The following CENPB variants were observed in gnomAD, a reference collection of about 807,000 sequenced individuals.
The protein encoded by CENPB is major centromere autoantigen B.
Under a neutral mutation model 41.9 loss-of-function variants are expected in CENPB, and 19 were observed. The observed-to-expected ratio is 0.45, with a 90% CI of 0.32 to 0.67. The LOEUF (loss-of-function observed/expected upper bound fraction) is 0.67. Ranked by LOEUF, CENPB falls within the 30% of genes least tolerant of loss-of-function variation. CENPB has a pLI of 0.04. For missense variants in CENPB, 614 were observed against 816.2 expected (o/e 0.75, Z 3.02); for synonymous variants, 399 against 354.4 (o/e 1.13, Z -1.41).
Position 3,784,233 on chromosome 20 carries a change from C to G in CENPB, c.*451G>C. The G allele has an allele frequency of 5.7e-6, 1 of 175,672 alleles. No homozygotes were observed. Among genetic ancestry groups the G allele is most frequent in the South Asian group, 1.1e-4 (1 of 8,730 alleles). 10.9% of individuals were successfully genotyped at this position (175,672 alleles called of 1,614,324 possible). A position where few individuals can be genotyped will look rare whatever the true frequency, so the allele number is the denominator to read the frequency against. On this transcript the variant is annotated 3_prime_UTR_variant, in exon 1 of 1. Coordinates refer to ENST00000379751, the MANE Select transcript of CENPB (RefSeq NM_001810.6). The surrounding 1 kb of genome is among the most constrained non-coding windows in gnomAD (Gnocchi z 5.2). ...GTGGGGGTGGGGGCTGCCAGCCTTG[C>G]AGGGGGCCTAGGCTGGACCTTCTTC...
rs1279332772 is a variant in CENPB, at chr20:3,786,602, C to G, written c.-119G>C. The G allele has an allele frequency of 5.0e-6, 1 of 201,712 alleles. No homozygotes were observed. The highest frequency in any genetic ancestry group is 8.5e-6 in the Non-Finnish European group (1 of 117,996). The allele number at this position is 201,712 out of a possible 1,614,324, so 12.5% of individuals were successfully genotyped here. ...CCCGCGCGCCCCGCCCGAGACAAAG[C>G]GGCTCGCGGGCGCGGCGGCGGGGCG... On this transcript the variant is annotated 5_prime_UTR_variant, in exon 1 of 1. Transcript: ENST00000379751.
Position 3,786,284 on chromosome 20 carries a change from T to C in CENPB, c.200A>G (p.Lys67Arg). 2.5e-6 allele frequency: 4 copies of C among 1,608,214 alleles called. No individual in the cohort carries two copies. The highest frequency in any genetic ancestry group is 3.4e-6 in the Non-Finnish European group (4 of 1,179,536). The change falls in exon 1 of 1, where the codon AAG becomes AGG. Residue 67 changes from lysine to arginine, a missense_variant. This residue lies in a region of CENPB where 77 missense variants were observed against 186.8 expected (regional missense o/e 0.41). Coordinates refer to ENST00000379751, the MANE Select transcript of CENPB (RefSeq NM_001810.6). ...GTCGTAGGGAGACAGCTTGTTGGTC[T>C]TGCGGCAGGTGGAGGCCACCCCGTA... ...RKYGVASTCR[K>R]TNKLSPYDKL...
rs760360102 is a variant in CENPB, at chr20:3,786,040, G to C, written c.444C>G (p.Pro148=). ...GACTGGCAGGCGCCGCCGGGGTGCG[G>C]GGGGCAGCGTTTCGCGCGCGGGCGC... ...VARARARNAA[P]RTPAAPASPA... The change falls in exon 1 of 1, where the codon CCC becomes CCG. Residue 148 remains proline (P), a synonymous_variant. Transcript: ENST00000379751. 3 of 1,470,628 alleles carry C rather than the reference G, an allele frequency of 2.0e-6. No individual in the cohort carries two copies. In the South Asian group the frequency reaches 4.1e-5, roughly 20 times the overall value. The allele number at this position is 1,470,628 out of a possible 1,614,324, so 91.1% of individuals were successfully genotyped here.
rs1227910996 is a variant in CENPB at position 3,784,611 on chromosome 20, G to C, written c.*73C>G. Reference sequence around the variant, plus strand: ...TCTGCACTCTGGCTCCATGCACAGCGGGTGCCCAGAGAGTCCTCTGCCCTG... The same window carrying C: ...TCTGCACTCTGGCTCCATGCACAGCCGGTGCCCAGAGAGTCCTCTGCCCTG... On this transcript the variant is annotated 3_prime_UTR_variant, in exon 1 of 1. Coordinates refer to ENST00000379751, the MANE Select transcript of CENPB (RefSeq NM_001810.6). The surrounding 1 kb of genome is among the most constrained non-coding windows in gnomAD (Gnocchi z 5.2). The C allele has an allele frequency of 1.3e-6, 2 of 1,529,120 alleles. No homozygotes were observed. Among genetic ancestry groups the C allele is most frequent in the African/African-American group, 1.4e-5 (1 of 73,320 alleles). 94.7% of individuals were successfully genotyped at this position (1,529,120 alleles called of 1,614,324 possible).
chr20:3,785,018 G>A lies in CENPB; in HGVS notation c.1466C>T (p.Ala489Val), dbSNP rs1187517907. 1.9e-6 allele frequency: 3 copies of A among 1,613,854 alleles called. No individual in the cohort carries two copies. Among genetic ancestry groups the A allele is most frequent in the Non-Finnish European group, 2.5e-6 (3 of 1,179,968 alleles). ...CTGGGCTTCCTCCTGGGCACCATAA[G>A]CCCCGAAGCTGCCACCGGCCTCCAC... Reference protein sequence around the residue: ...GVVEAGGSFGAYGAQEEAQCP... With the variant: ...GVVEAGGSFGVYGAQEEAQCP... Residue 489 changes from alanine to valine, a missense_variant, in exon 1 of 1, where the codon GCT becomes GTT. This residue lies in a region of CENPB where 537 missense variants were observed against 629.4 expected (regional missense o/e 0.85). Coordinates refer to ENST00000379751, the MANE Select transcript of CENPB (RefSeq NM_001810.6).
At position 3,786,268 on chromosome 20, in the gene CENPB, A is replaced by C; in HGVS notation, c.216T>G (p.Ser72=). Residue 72 remains serine (S), a synonymous_variant, in exon 1 of 1, where the codon TCT becomes TCG. Transcript: ENST00000379751. ...GCAAGCCCTCGAGCTTGTCGTAGGGAGACAGCTTGTTGGTCTTGCGGCAGG... is the reference window on the plus strand; with the variant it reads ...GCAAGCCCTCGAGCTTGTCGTAGGGCGACAGCTTGTTGGTCTTGCGGCAGG... The part of the protein sequence containing the change: ...ASTCRKTNKL[S]PYDKLEGLLI... 6.2e-7 allele frequency: 1 copy of C among 1,607,280 alleles called. No individual in the cohort carries two copies. The highest frequency in any genetic ancestry group is 8.5e-7 in the Non-Finnish European group (1 of 1,179,406).
chr20:3,785,861 GC>G lies in CENPB; in HGVS notation c.622del (p.Ala208ProfsTer18). On this transcript the variant is annotated frameshift_variant, in exon 1 of 1. Transcript: ENST00000379751. LOFTEE classifies it high-confidence loss of function. ...TCCGTCGCCTCCGCACAGCCCCGCG[GC>G]CTGGTCGGGCAGGAAGTCGTACCAT... ...SLWYDFLPDQAAGLCGGDGRP... is the reference protein window; with the variant it reads ...SLWYDFLPDQXAGLCGGDGRP... The G allele has an allele frequency of 6.2e-7, 1 of 1,608,652 alleles. No individual in the cohort carries two copies.
chr20:3,784,295 C>T lies in CENPB; in HGVS notation c.*389G>A, dbSNP rs1233395702. 9.7e-6 allele frequency: 2 copies of T among 206,370 alleles called. No homozygotes were observed. The highest frequency in any genetic ancestry group is 4.7e-5 in the African/African-American group (2 of 42,348). The allele number at this position is 206,370 out of a possible 1,614,324, so 12.8% of individuals were successfully genotyped here. On this transcript the variant is annotated 3_prime_UTR_variant, in exon 1 of 1. Coordinates refer to ENST00000379751, the MANE Select transcript of CENPB (RefSeq NM_001810.6). The surrounding 1 kb of genome is among the most constrained non-coding windows in gnomAD (Gnocchi z 5.2). ...CCAGAATGGCTTTGGGGTCCCCCCA[C>T]CAAAGACCTGACGTGGATGGCAGAG...
rs1367042296 is a variant in CENPB at position 3,784,858 on chromosome 20, G to T, written c.1626C>A (p.Pro542=). The T allele has an allele frequency of 1.2e-6, 2 of 1,614,022 alleles. No homozygotes were observed. The highest frequency in any genetic ancestry group is 8.5e-7 in the Non-Finnish European group (1 of 1,179,962). Residue 542 remains proline (P), a synonymous_variant, in exon 1 of 1, where the codon CCC becomes CCA. Transcript: ENST00000379751. This position sits in a 1 kb window ranked among gnomAD's most constrained non-coding sequence, Gnocchi z 5.2. ...DEEDGDEVPV[P]SFGEAMAYFA... is the part of the protein sequence containing the mutation. ...AGTAAGCCATGGCCTCCCCAAAGCT[G>T]GGTACAGGCACCTCATCACCATCCT...
Position 3,785,451 on chromosome 20 carries a change from C to T in CENPB, c.1033G>A (p.Ala345Thr), listed in dbSNP as rs1042265178. The change falls in exon 1 of 1, where the codon GCC becomes ACC. Residue 345 changes from alanine to threonine, a missense_variant. Physicochemically the swap from Ala to Thr is moderately conservative, Grantham distance 58 (BLOSUM62 0). Transcript: ENST00000379751. ...TCCTGGCCCTCTAGCGCGGCCATGG[C>T]CTTGAGCAGCATGGCCTGGCGGTAG... ...GHYRQAMLLK[A>T]MAALEGQDPS... The T allele has an allele frequency of 9.4e-6, 15 of 1,589,706 alleles. No homozygotes were observed. Among genetic ancestry groups the T allele is most frequent in the Non-Finnish European group, 1.0e-5 (12 of 1,168,516 alleles).
At position 3,785,899 on chromosome 20, in the gene CENPB, G is replaced by C; in HGVS notation, c.585C>G (p.Thr195=). 1 of 1,607,462 alleles carries C rather than the reference G, an allele frequency of 6.2e-7. No homozygotes were observed. The highest frequency in any genetic ancestry group is 1.1e-5 in the South Asian group (1 of 91,010). The change falls in exon 1 of 1, where the codon ACC becomes ACG. Residue 195 remains threonine, a synonymous_variant. Coordinates refer to ENST00000379751, the MANE Select transcript of CENPB (RefSeq NM_001810.6). ...GYASQDVFSA[T]ETSLWYDFLP... ...GGAAGTCGTACCATAGACTGGTCTC[G>C]GTGGCGCTGAACACGTCCTGCGAGG...
Position 3,785,936 on chromosome 20 carries a change from G to A in CENPB, c.548C>T (p.Ala183Val). The change falls in exon 1 of 1, where the codon GCC becomes GTC. Residue 183 changes from alanine to valine, a missense_variant. Transcript: ENST00000379751. The stretch of plus-strand genomic sequence containing the variant: ...CACGTCCTGCGAGGCGTAGCCCTCG[G>A]CCACCGACGGCGGCTGCTCCTCCCG... ...RAREEQPPSV[A>V]EGYASQDVFS... 1 of 1,597,644 alleles carries A rather than the reference G, an allele frequency of 6.3e-7. No homozygotes were observed. The highest frequency in any genetic ancestry group is 2.3e-5 in the East Asian group (1 of 44,196).
In CENPB at chr20:3,785,723, T is replaced by C; in HGVS notation, c.761A>G (p.Gln254Arg). Reference sequence around the variant, plus strand: ...GGTGTAGTCGCAGGGCAGGCCGGCTTGGCCTGCGCGGGGCTTGGCCGACTT... The same window carrying C: ...GGTGTAGTCGCAGGGCAGGCCGGCTCGGCCTGCGCGGGGCTTGGCCGACTT... Reference protein sequence around the residue: ...AGKSAKPRAGQAGLPCDYTAN... With the variant: ...AGKSAKPRAGRAGLPCDYTAN... Residue 254 changes from glutamine (Q) to arginine (R), a missense_variant, in exon 1 of 1, where the codon CAA (glutamine) becomes CGA (arginine). Gln to Arg is a conservative substitution (Grantham distance 43). Transcript: ENST00000379751. The C allele has an allele frequency of 1.2e-6, 2 of 1,607,192 alleles. No homozygotes were observed. Among genetic ancestry groups the C allele is most frequent in the Non-Finnish European group, 1.7e-6 (2 of 1,177,058 alleles).
In CENPB at chr20:3,786,493, C is replaced by G; in HGVS notation, c.-10G>C. The stretch of plus-strand genomic sequence containing the variant: ...GCCTCTTGGGGCCCATCCCGGCGCG[C>G]CCCCCGCCCCGGGGCCCGGCGCCGC... On this transcript the variant is annotated 5_prime_UTR_variant, in exon 1 of 1. Transcript: ENST00000379751. 1 of 1,221,400 alleles carries G rather than the reference C, an allele frequency of 8.2e-7. No individual in the cohort carries two copies. The highest frequency in any genetic ancestry group is 1.1e-6 in the Non-Finnish European group (1 of 945,078). The allele number at this position is 1,221,400 out of a possible 1,614,324, so 75.7% of individuals were successfully genotyped here.
At position 3,785,266 on chromosome 20, in the gene CENPB, C is replaced by T; in HGVS notation, c.1218G>A (p.Glu406=). The change falls in exon 1 of 1, where the codon GAG becomes GAA. Residue 406 remains glutamate (E), a synonymous_variant. Transcript: ENST00000379751. The stretch of plus-strand genomic sequence containing the variant: ...CTTCTTCCTCCTCCTCCTCCTCTTC[C>T]TCTCCCTCACTCTTGAGGGAAGTGG... ...TITTSLKSEG[E]EEEEEEEEEE... 6.3e-7 allele frequency: 1 copy of T among 1,579,384 alleles called. No individual in the cohort carries two copies. The highest frequency in any genetic ancestry group is 8.6e-7 in the Non-Finnish European group (1 of 1,164,026).
At position 3,786,032 on chromosome 20, in the gene CENPB, G is replaced by A; in HGVS notation, c.452C>T (p.Pro151Leu). ...ARARNAAPRT[P>L]AAPASPAAVP... is the part of the protein sequence containing the mutation. ...CGCGGCCGGACTGGCAGGCGCCGCC[G>A]GGGTGCGGGGGGCAGCGTTTCGCGC... Residue 151 changes from proline (P) to leucine (L), a missense_variant, in exon 1 of 1, where the codon CCG (proline) becomes CTG (leucine). Pro to Leu is a moderately conservative substitution (Grantham distance 98). Transcript: ENST00000379751. The A allele has an allele frequency of 2.1e-6, 3 of 1,424,662 alleles. No individual in the cohort carries two copies. The highest frequency in any genetic ancestry group is 2.7e-6 in the Non-Finnish European group (3 of 1,102,788). 88.3% of individuals were successfully genotyped at this position (1,424,662 alleles called of 1,614,324 possible).
In CENPB at chr20:3,785,800, C is replaced by T; in HGVS notation, c.684G>A (p.Leu228=). Residue 228 remains leucine, a synonymous_variant, in exon 1 of 1, where the codon CTG becomes CTA. Transcript: ENST00000379751. ...PRQATQRLSV[L]LCANADGSEK... ...CGCTGCCGTCGGCATTGGCGCATAG[C>T]AGGACGCTCAGGCGCTGGGTGGCTT... The T allele has an allele frequency of 6.2e-7, 1 of 1,609,726 alleles. No individual in the cohort carries two copies. The highest frequency in any genetic ancestry group is 8.5e-7 in the Non-Finnish European group (1 of 1,178,302).
Position 3,785,528 on chromosome 20 carries a change from G to A in CENPB, c.956C>T (p.Pro319Leu). 3 of 1,598,436 alleles carry A rather than the reference G, an allele frequency of 1.9e-6. No homozygotes were observed. The highest frequency in any genetic ancestry group is 1.7e-5 in the Admixed American group (1 of 57,796). ...LRHVQLAFFP[P>L]GTVHPLERGV... ...CCTCTCCAGCGGATGCACGGTGCCGGGAGGGAAGAAGGCCAGCTGCACATG... is the reference window on the plus strand; with the variant it reads ...CCTCTCCAGCGGATGCACGGTGCCGAGAGGGAAGAAGGCCAGCTGCACATG... The change falls in exon 1 of 1, where the codon CCC becomes CTC. Residue 319 changes from proline (P) to leucine (L), a missense_variant. By Grantham distance (98) the Pro-to-Leu change is moderately conservative. Around this residue, in one of 2 missense-constraint regions of CENPB, gnomAD observed 537 missense variants for 629.4 expected, o/e 0.85. Transcript: ENST00000379751.
chr20:3,785,419 T>C lies in CENPB; in HGVS notation c.1065A>G (p.Ser355=). 1 of 1,595,080 alleles carries C rather than the reference T, an allele frequency of 6.3e-7. No homozygotes were observed. Among genetic ancestry groups the C allele is most frequent in the Non-Finnish European group, 8.5e-7 (1 of 1,171,214 alleles). Residue 355 remains serine, a synonymous_variant, in exon 1 of 1, where the codon TCA becomes TCG. Transcript: ENST00000379751. ...AMAALEGQDP[S]GLQLGLTEAL... The stretch of plus-strand genomic sequence containing the variant: ...CCTCCGTGAGACCCAGCTGCAGGCC[T>C]GAGGGATCCTGGCCCTCTAGCGCGG...
Sources: gnomAD v4.1 joint callset for allele counts on GRCh38, gnomAD v4.1.1 for gene constraint, gnomAD v4.1.1 regional missense constraint, Gnocchi (gnomAD v3.1) non-coding constraint, MANE v1.5 for transcripts, NCBI Gene and HGNC (gene_info 2026-07-23, HGNC 2026-07-21) for gene names.